SLC44A5: variants seen among roughly 807,000 people sequenced by gnomAD.
SLC44A5 encodes choline transporter-like protein 5.
Under a neutral mutation model 101.8 loss-of-function variants are expected in SLC44A5, and 57 were observed. The observed-to-expected ratio is 0.56, with a 90% CI of 0.45 to 0.70. SLC44A5 has a LOEUF of 0.70. Among genes scored for constraint, SLC44A5 ranks in the 30% least tolerant of loss-of-function variants. The probability of loss-of-function intolerance (pLI) is 0.00; values close to 1 mark genes in which losing one functional copy is unlikely to be tolerated. For synonymous variants in SLC44A5, 281 were observed against 290.9 expected (o/e 0.97, Z 0.35); for missense variants, 737 against 853.1 (o/e 0.86, Z 1.70).
At chr1:75,671,238 A>C in the SLC44A5 span, among the ~76,000 whole-genome samples, 1 of 152,148 alleles carries the variant, frequency 6.6e-6, no homozygotes. Flanking sequence ...CCATAAAAGA[A>C]GCAGTTGGTG....
At chr1:75,446,712 T>C (rs1489933371) in intron 2 of SLC44A5, among the ~76,000 whole-genome samples, 2 of 152,052 alleles carry the variant, frequency 1.3e-5, no homozygotes, top group African/African-American at 4.8e-5. Context: ...TTCAAGCCCA[T>C]TTCAATTGGC....
rs954643749 is a variant in SLC44A5, at chr1:75,525,934, A to G, written c.13+15501T>C. ...GCGTTCATATTGTACTATTCTTTCA[A>G]TCTTTCTGTATATTTAGAAAATGTT... On this transcript the variant is annotated intron_variant, in intron 2 of 23. Coordinates refer to ENST00000370859, the MANE Select transcript of SLC44A5 (RefSeq NM_001130058.2). 3.3e-5 allele frequency among the ~76,000 whole-genome samples: 5 copies of G among 152,372 alleles called. No individual in the cohort carries two copies. The East Asian group carries it at 9.6e-4, about 29-fold the overall frequency.
At chr1:75,654,296 T>C in the SLC44A5 span, among the ~76,000 whole-genome samples, 3 of 152,342 alleles carry the variant, frequency 2.0e-5, no homozygotes, top group South Asian at 2.1e-4. Flanking sequence ...TCCTTAAAGT[T>C]CTAGAAAGAT....
intron 2 of SLC44A5, among the ~76,000 whole-genome samples, chr1:75,486,778 A>G (rs1252265308): frequency 6.6e-6 from 1 of 152,206 alleles, no homozygotes; most frequent in Non-Finnish European, 1.5e-5. Flanking sequence ...CCGATGCAAG[A>G]GGTGGGTTCC....
chr1:75,351,212 G>A lies in SLC44A5; in HGVS notation c.53-11582C>T, dbSNP rs564815488. Among the ~76,000 whole-genome samples the A allele has an allele frequency of 4.6e-5, 7 of 152,014 alleles. No homozygotes were observed. In the South Asian group the frequency reaches 1.5e-3, roughly 32 times the overall value. ...TCATAACAAAATTCAAAATGTGAAT[G>A]TTTAGAACCACAAGGAGAAAGAGAC... On this transcript the variant is annotated intron_variant, in intron 3 of 23. Transcript: ENST00000370859.
intron 2 of SLC44A5, among the ~76,000 whole-genome samples, chr1:75,408,005 A>ACG (rs1306271622): frequency 6.6e-6 from 1 of 152,242 alleles, no homozygotes; most frequent in Non-Finnish European, 1.5e-5. Context: ...AAACTTACAC[A>ACG]AATTTAGAAG....
the SLC44A5 span, among the ~76,000 whole-genome samples, chr1:75,677,354 G>T: frequency 6.6e-6 from 1 of 152,228 alleles, no homozygotes; most frequent in East Asian, 1.9e-4. Context: ...GTTGAGTTTT[G>T]TTTTCTCTTT....
intron 3 of SLC44A5, among the ~76,000 whole-genome samples, chr1:75,389,560 A>G (rs2101343582): frequency 6.6e-6 from 1 of 152,316 alleles, no homozygotes; most frequent in East Asian, 1.9e-4. Context: ...AAGCTCCTGA[A>G]TGACTTTTGG....
chr1:75,359,237 T>C (rs1659309521), intron 3 of SLC44A5, among the ~76,000 whole-genome samples: 1 of 146,538 alleles, frequency 6.8e-6, no homozygotes. Flanking sequence ...TTTCTTTTTT[T>C]TTTTTTTTTT....
chr1:75,686,030 C>G, the SLC44A5 span, among the ~76,000 whole-genome samples: 9 of 152,130 alleles, frequency 5.9e-5, no homozygotes, highest in Middle Eastern at 3.4e-3. Flanking sequence ...GAAGAAAGCC[C>G]CTTTAAAACC....
At chr1:75,412,878 T>C (rs574819777) in intron 2 of SLC44A5, among the ~76,000 whole-genome samples, 5 of 152,160 alleles carry the variant, frequency 3.3e-5, no homozygotes, top group Non-Finnish European at 7.4e-5. Context: ...CCATTGATAC[T>C]GCCATGGCTC....
the SLC44A5 span, among the ~76,000 whole-genome samples, chr1:75,634,044 A>C: frequency 6.6e-6 from 1 of 152,082 alleles, no homozygotes; most frequent in Non-Finnish European, 1.5e-5. Context: ...CGTATATTGA[A>C]CCAGCCTTGC....
chr1:75,393,958 G>T (rs1661961550), intron 3 of SLC44A5, among the ~76,000 whole-genome samples: 1 of 152,056 alleles, frequency 6.6e-6, no homozygotes, highest in Non-Finnish European at 1.5e-5. Context: ...ATAAGTCCAG[G>T]GCAAGAAAGA....
intron 4 of SLC44A5, among the ~76,000 whole-genome samples, chr1:75,317,157 C>A (rs1281185520): frequency 6.6e-6 from 1 of 152,184 alleles, no homozygotes; most frequent in East Asian, 1.9e-4. Flanking sequence ...TCCAATCTTT[C>A]AATCATCTCT....
At chr1:75,292,156 G>A (rs374705221) in intron 5 of SLC44A5, among the ~76,000 whole-genome samples, 1 of 152,046 alleles carries the variant, frequency 6.6e-6, no homozygotes, top group East Asian at 1.9e-4. Context: ...CCCTGGTAAA[G>A]GTTCTGTTCA....
intron 5 of SLC44A5, among the ~76,000 whole-genome samples, chr1:75,292,027 A>G (rs1031098899): frequency 5.3e-5 from 8 of 151,390 alleles, no homozygotes; most frequent in Admixed American, 1.3e-4. Flanking sequence ...AAAAAAAAGA[A>G]AAGAAAAGAA....
At chr1:75,400,325 C>T (rs1240796802) in intron 2 of SLC44A5, among the ~76,000 whole-genome samples, 1 of 152,070 alleles carries the variant, frequency 6.6e-6, no homozygotes, top group Non-Finnish European at 1.5e-5. Flanking sequence ...GCACATGTAT[C>T]CCTGAATCTG....
chr1:75,691,995 A>G, the SLC44A5 span, among the ~76,000 whole-genome samples: 1 of 152,106 alleles, frequency 6.6e-6, no homozygotes, highest in Non-Finnish European at 1.5e-5. Flanking sequence ...TCATTGTCTC[A>G]TTATACTTTA....
intron 2 of SLC44A5, among the ~76,000 whole-genome samples, chr1:75,424,696 T>C (rs1335347139): frequency 6.6e-6 from 1 of 152,202 alleles, no homozygotes; most frequent in Non-Finnish European, 1.5e-5. Context: ...GAGGTTTGCT[T>C]TGGGATTGGA....
Sources: gnomAD v4.1 joint callset for allele counts (sites outside exome capture counted in the v4.1 genomes callset) on GRCh38, gnomAD v4.1.1 for gene constraint, MANE v1.5 for transcripts, NCBI Gene and HGNC (gene_info 2026-07-23, HGNC 2026-07-21) for gene names.